The following EXOC6 variants were observed in gnomAD, a reference collection of about 807,000 sequenced individuals.
EXOC6 encodes the protein exocyst complex component 6, also known as SEC15-like 1.
Under a neutral mutation model 112.5 loss-of-function variants are expected in EXOC6, and 60 were observed. The observed-to-expected ratio is 0.53, with a 90% confidence interval of 0.43 to 0.66. The LOEUF (loss-of-function observed/expected upper bound fraction) is 0.66. Among genes scored for constraint, EXOC6 ranks in the 30% least tolerant of loss-of-function variants. EXOC6 has a pLI of 0.00. For missense variants in EXOC6, 855 were observed against 957.1 expected (o/e 0.89, Z 1.41); for synonymous variants, 295 against 308.0 (o/e 0.96, Z 0.44).
intron 1 of EXOC6, among the ~76,000 whole-genome samples, chr10:92,879,243 A>C (rs1267762747): frequency 6.6e-6 from 1 of 152,194 alleles, no homozygotes; most frequent in Non-Finnish European, 1.5e-5. Flanking sequence ...GCACTTTGGA[A>C]GGCTGAGACT....
chr10:92,949,800 A>C (rs927060210), intron 14 of EXOC6, among the ~76,000 whole-genome samples: 6 of 152,010 alleles, frequency 3.9e-5, no homozygotes, highest in Non-Finnish European at 7.4e-5. Context: ...TTCACCGTGT[A>C]GGTCAGGCTG....
At chr10:92,863,690 A>G (rs1261348938) in intron 1 of EXOC6, among the ~76,000 whole-genome samples, 7 of 152,112 alleles carry the variant, frequency 4.6e-5, no homozygotes, top group East Asian at 1.9e-4. Flanking sequence ...AGGCAGGCGG[A>G]TCACAAGGTC....
intron 1 of EXOC6, among the ~76,000 whole-genome samples, chr10:92,871,675 T>C (rs1192338086): frequency 6.6e-6 from 1 of 151,514 alleles, no homozygotes; most frequent in Non-Finnish European, 1.5e-5. Context: ...GGCGTGGTGG[T>C]GCATGCCTGT....
At chr10:92,984,421 C>T (rs1041896569) in intron 18 of EXOC6, among the ~76,000 whole-genome samples, 1 of 152,072 alleles carries the variant, frequency 6.6e-6, no homozygotes, top group African/African-American at 2.4e-5. Flanking sequence ...TAACCAGTAC[C>T]GGTTGCTCTC....
At chr10:92,833,650 G>A (rs7916038), upstream of EXOC6, among the ~76,000 whole-genome samples, 63,079 of 151,876 alleles carry the variant, frequency 0.42, 13,680 homozygotes, top group African/African-American at 0.52. Flanking sequence ...GAGAACAAAC[G>A]TCAATTTTTG....
intron 20 of EXOC6, among the ~76,000 whole-genome samples, chr10:93,018,026 G>T (rs1270621887): frequency 6.9e-6 from 1 of 144,314 alleles, no homozygotes; most frequent in Non-Finnish European, 1.5e-5. Context: ...AAAAAAAAAA[G>T]AAATAAAATA....
Position 93,058,282 on chromosome 10 carries a change from A to G in EXOC6, c.2342A>G (p.Asp781Gly). The change falls in exon 22 of 22, where the codon GAC (aspartate) becomes GGC (glycine). Residue 781 changes from aspartate (D) to glycine (G), a missense_variant. Physicochemically the swap from Asp to Gly is moderately conservative, Grantham distance 94 (BLOSUM62 -1). Around this residue, in one of 2 missense-constraint regions of EXOC6, gnomAD observed 450 missense variants for 563.5 expected, o/e 0.80. Coordinates refer to ENST00000260762, the MANE Select transcript of EXOC6 (RefSeq NM_019053.6). ...GCTCAGTTCAGGAAGAATGATCGAG[A>G]CAAACAGAAGTTGATAGAGACAGTC... is the stretch of plus-strand genomic sequence containing the variant. ...IFAQFRKNDR[D>G]KQKLIETVVK... is the part of the protein sequence containing the mutation. 6.2e-7 allele frequency: 1 copy of G among 1,612,034 alleles called. No individual in the cohort carries two copies. Among genetic ancestry groups the G allele is most frequent in the Middle Eastern group, 1.7e-4 (1 of 6,060 alleles).
chr10:92,910,393 C>G (rs575341689), intron 6 of EXOC6, among the ~76,000 whole-genome samples: 32 of 152,132 alleles, frequency 2.1e-4, no homozygotes, highest in Admixed American at 1.4e-3. Flanking sequence ...CTGTGTGATT[C>G]CATTTTTACG....
chr10:93,054,888 T>G (rs1469312757), intron 20 of EXOC6, among the ~76,000 whole-genome samples: 1 of 152,122 alleles, frequency 6.6e-6, no homozygotes, highest in Non-Finnish European at 1.5e-5. Context: ...TTTTAATATA[T>G]AAATATATAA....
At chr10:92,908,318 G>A (rs1375528139) in intron 5 of EXOC6, among the ~76,000 whole-genome samples, 1 of 151,932 alleles carries the variant, frequency 6.6e-6, no homozygotes, top group Non-Finnish European at 1.5e-5. Context: ...GCCTCCCAAA[G>A]TGCTGGGATT....
At chr10:92,871,722 G>A (rs1055859318) in intron 1 of EXOC6, among the ~76,000 whole-genome samples, 2 of 151,898 alleles carry the variant, frequency 1.3e-5, no homozygotes, top group Middle Eastern at 6.8e-3. Flanking sequence ...CAGGAGAATC[G>A]GTTTGAACCA....
intron 5 of EXOC6, among the ~76,000 whole-genome samples, chr10:92,906,737 A>T (rs1043566646): frequency 6.6e-6 from 1 of 152,212 alleles, no homozygotes; most frequent in Non-Finnish European, 1.5e-5. Flanking sequence ...ATTGTTGAAT[A>T]GAGTATGAGC....
chr10:92,935,770 G>A, intron 11 of EXOC6, 44 bp from the exon 12 acceptor site: 1 of 1,278,778 alleles, frequency 7.8e-7, no homozygotes, highest in South Asian at 1.2e-5. Flanking sequence ...ACTCTGGTTT[G>A]TTGTTGTCGG....
chr10:92,915,697 T>C, intron 6 of EXOC6, 61 bp from the exon 7 acceptor site: 1 of 1,291,530 alleles, frequency 7.7e-7, no homozygotes, highest in Non-Finnish European at 1.0e-6. Flanking sequence ...ACAAATTTTT[T>C]GAACCAATTT....
intron 20 of EXOC6, among the ~76,000 whole-genome samples, chr10:93,052,121 C>G (rs1365374744): frequency 6.6e-6 from 1 of 152,092 alleles, no homozygotes; most frequent in African/African-American, 2.4e-5. Context: ...CCAAAAGACC[C>G]AAAACAAAGA....
At chr10:92,868,731 A>C (rs1413173490) in intron 1 of EXOC6, among the ~76,000 whole-genome samples, 1 of 151,966 alleles carries the variant, frequency 6.6e-6, no homozygotes, top group Non-Finnish European at 1.5e-5. Context: ...GAATTCCTTA[A>C]GATTATGTGT....
chr10:93,017,799 C>T (rs1844600462), intron 20 of EXOC6, among the ~76,000 whole-genome samples: 1 of 152,060 alleles, frequency 6.6e-6, no homozygotes, highest in Non-Finnish European at 1.5e-5. Context: ...ATCATGAGGT[C>T]AGAAGGTCGA....
At chr10:92,842,360 GA>G (rs34778339) in intron 1 of EXOC6, among the ~76,000 whole-genome samples, 25,094 of 106,972 alleles carry the variant, frequency 0.23, 3,150 homozygotes, top group Non-Finnish European at 0.31. Context: ...CTCTGTCTCA[GA>G]AAAAAAAAAA....
At chr10:93,023,213 T>C (rs2134265052) in intron 20 of EXOC6, among the ~76,000 whole-genome samples, 1 of 152,290 alleles carries the variant, frequency 6.6e-6, no homozygotes, top group Non-Finnish European at 1.5e-5. Context: ...ACCCGGACTT[T>C]GCCCTGAGGT....
Sources: gnomAD v4.1 joint callset for allele counts (sites outside exome capture counted in the v4.1 genomes callset) on GRCh38, gnomAD v4.1.1 for gene constraint, gnomAD v4.1.1 regional missense constraint, MANE v1.5 for transcripts, NCBI Gene and HGNC (gene_info 2026-07-23, HGNC 2026-07-21) for gene names.